Variants in QSER1 observed in about 807,000 individuals in gnomAD.
QSER1 encodes glutamine and serine-rich protein 1.
A neutral mutation model predicts 158.5 loss-of-function variants in QSER1; 49 were observed. The ratio of observed to expected loss-of-function variants is 0.31; its 90% confidence interval spans 0.25 to 0.39. The LOEUF is 0.39. Among genes scored for constraint, QSER1 ranks in the 10% least tolerant of loss-of-function variants. The pLI is 1.00. For synonymous variants in QSER1, 650 were observed against 715.5 expected (o/e 0.91, Z 1.46); for missense variants, 1,754 against 2,010.3 (o/e 0.87, Z 2.44).
chr11:32,898,015 T>A (rs1214749997), intron 1 of QSER1, among the ~76,000 whole-genome samples: 1 of 152,248 alleles, frequency 6.6e-6, no homozygotes, highest in Non-Finnish European at 1.5e-5. Flanking sequence ...CTTGGACAAC[T>A]GTGGTAGCTT....
Position 32,933,569 on chromosome 11 carries a change from C to T in QSER1, c.2311C>T (p.Leu771Phe), listed in dbSNP as rs1852088210. The T allele has an allele frequency of 6.2e-7, 1 of 1,613,866 alleles. No homozygotes were observed. The highest frequency in any genetic ancestry group is 1.7e-5 in the Admixed American group (1 of 59,968). ...EESVVGSVTQ[L>F]NQQIGQVNNA... Reference sequence around the variant, plus strand: ...AAGTGTTGTTGGTTCAGTGACACAACTTAACCAACAAATTGGCCAAGTCAA... The same window carrying T: ...AAGTGTTGTTGGTTCAGTGACACAATTTAACCAACAAATTGGCCAAGTCAA... Residue 771 changes from leucine (L) to phenylalanine (F), a missense_variant, in exon 4 of 13, where the codon CTT becomes TTT. Physicochemically the swap from Leu to Phe is conservative, Grantham distance 22. Transcript: ENST00000650167.
intron 8 of QSER1, among the ~76,000 whole-genome samples, chr11:32,960,282 C>T (rs1852598670): frequency 6.6e-6 from 1 of 152,012 alleles, no homozygotes. Flanking sequence ...TCAGGCTGGG[C>T]ATGGTGGCTC....
At chr11:32,927,919 T>TC (rs1466230283) in intron 2 of QSER1, 43 bp from the exon 3 acceptor site, 9 of 523,312 alleles carry the variant, frequency 1.7e-5, no homozygotes, top group Non-Finnish European at 2.6e-5. Flanking sequence ...ACAAGTAAAT[T>TC]TTTTTTTTTT....
At chr11:32,921,520 T>C (rs2133527060) in intron 1 of QSER1, among the ~76,000 whole-genome samples, 1 of 152,288 alleles carries the variant, frequency 6.6e-6, no homozygotes, top group South Asian at 2.1e-4. Flanking sequence ...CCAAATTTGT[T>C]TTTTTACAAA....
intron 4 of QSER1, among the ~76,000 whole-genome samples, chr11:32,938,063 G>A (rs1216358385): frequency 6.6e-6 from 1 of 152,170 alleles, no homozygotes; most frequent in Admixed American, 6.5e-5. Flanking sequence ...TAGAAAGTGA[G>A]TTCCTTCAAG....
Position 32,932,525 on chromosome 11 carries a change from A to G in QSER1, c.1267A>G (p.Thr423Ala). The G allele has an allele frequency of 6.2e-7, 1 of 1,614,082 alleles. No homozygotes were observed. Among genetic ancestry groups the G allele is most frequent in the African/African-American group, 1.3e-5 (1 of 75,010 alleles). The change falls in exon 4 of 13, where the codon ACC becomes GCC. Residue 423 changes from threonine to alanine, a missense_variant. Physicochemically the swap from Thr to Ala is moderately conservative, Grantham distance 58 (BLOSUM62 0). Transcript: ENST00000650167. The stretch of plus-strand genomic sequence containing the variant: ...AGAACAACCACTGACATCAACCAAG[A>G]CCCCTAAACCTCAAAGTATAATTCC... ...STEQPLTSTKTPKPQSIIPPV... is the reference protein window; with the variant it reads ...STEQPLTSTKAPKPQSIIPPV...
At chr11:32,943,862 T>G (rs1411408866) in intron 4 of QSER1, among the ~76,000 whole-genome samples, 2 of 152,118 alleles carry the variant, frequency 1.3e-5, no homozygotes, top group African/African-American at 4.8e-5. Flanking sequence ...ATCCATCTGG[T>G]CCTGGACTCT....
chr11:32,910,581 C>G (rs886502028), intron 1 of QSER1, among the ~76,000 whole-genome samples: 1 of 152,194 alleles, frequency 6.6e-6, no homozygotes. Flanking sequence ...ATGCCTTTCA[C>G]TCCTACCTTT....
intron 10 of QSER1, 74 bp downstream of exon 10, chr11:32,969,217 A>G (rs1852805606): frequency 1.1e-6 from 1 of 908,062 alleles, no homozygotes; most frequent in South Asian, 1.6e-5. Flanking sequence ...AAGGAAATTT[A>G]TGAAAATTAT....
intron 1 of QSER1, among the ~76,000 whole-genome samples, chr11:32,895,383 T>G (rs1851541848): frequency 6.6e-6 from 1 of 152,102 alleles, no homozygotes; most frequent in African/African-American, 2.4e-5. Flanking sequence ...GATCAGGCCA[T>G]CTGTACAGAG....
rs7940077 is a variant in QSER1 at position 32,934,698 on chromosome 11, A to G, written c.3440A>G (p.Asn1147Ser). 1 allele frequency: 1,606,220 copies of G among 1,613,914 alleles called. 799,553 individuals carry two copies. Among genetic ancestry groups the G allele is most frequent in the East Asian group, 1 (44,883 of 44,884 alleles). The part of the protein sequence containing the change: ...VSSSRSISGE[N>S]ATSESEFTLG... ...AGTAGTAGAAGTATAAGTGGAGAGA[A>G]TGCTACATCAGAGAGTGAATTTACC... Residue 1147 changes from asparagine (N) to serine (S), a missense_variant, in exon 4 of 13, where the codon AAT becomes AGT. Physicochemically the swap from Asn to Ser is conservative, Grantham distance 46 (BLOSUM62 1). Transcript: ENST00000650167.
In QSER1 at chr11:32,934,146, G is replaced by A; in HGVS notation, c.2888G>A (p.Cys963Tyr). 1 of 1,613,974 alleles carries A rather than the reference G, an allele frequency of 6.2e-7. No homozygotes were observed. The highest frequency in any genetic ancestry group is 1.7e-5 in the Admixed American group (1 of 59,994). Residue 963 changes from cysteine (C) to tyrosine (Y), a missense_variant, in exon 4 of 13, where the codon TGT (cysteine) becomes TAT (tyrosine). This residue lies in a region of QSER1 where 1,707 missense variants were observed against 1,919.6 expected (regional missense o/e 0.89). Transcript: ENST00000650167. ...KNQFVSLGSMCFPEAVLLSDE... is the reference protein window; with the variant it reads ...KNQFVSLGSMYFPEAVLLSDE... Reference sequence around the variant, plus strand: ...CAGTTTGTTTCTCTTGGATCGATGTGTTTCCCAGAGGCAGTGCTTCTTAGT... The same window carrying A: ...CAGTTTGTTTCTCTTGGATCGATGTATTTCCCAGAGGCAGTGCTTCTTAGT...
intron 1 of QSER1, among the ~76,000 whole-genome samples, chr11:32,909,802 T>C (rs895415025): frequency 1.3e-5 from 2 of 152,184 alleles, no homozygotes; most frequent in Admixed American, 6.5e-5. Flanking sequence ...TTGGAGCTAC[T>C]TGGGAGTCGT....
intron 12 of QSER1, 165 bp downstream of exon 12, chr11:32,975,508 C>A (rs1283935176): frequency 1.4e-6 from 2 of 1,478,672 alleles, no homozygotes; most frequent in South Asian, 2.4e-5. Context: ...CTGAGTCTCT[C>A]TGCTATGTTT....
chr11:32,976,610 G>A lies in QSER1; in HGVS notation c.*136G>A. On this transcript the variant is annotated 3_prime_UTR_variant, in exon 13 of 13. Coordinates refer to ENST00000650167, the MANE Select transcript of QSER1 (RefSeq NM_001076786.3). ...TCATGGAACTGTCATTACCACCTCT[G>A]CTGAAGGACAGTGGTGCGGCCTTTA... 1.1e-6 allele frequency: 1 copy of A among 936,450 alleles called. No individual in the cohort carries two copies. 58.0% of individuals were successfully genotyped at this position (936,450 alleles called of 1,614,324 possible).
At chr11:32,970,178 C>T (rs1035281980) in intron 10 of QSER1, among the ~76,000 whole-genome samples, 4 of 152,114 alleles carry the variant, frequency 2.6e-5, no homozygotes, top group African/African-American at 7.2e-5. Flanking sequence ...ATAACTTGTT[C>T]ACATCCCTGT....
At chr11:32,905,784 T>A (rs967632203) in intron 1 of QSER1, among the ~76,000 whole-genome samples, 10 of 152,178 alleles carry the variant, frequency 6.6e-5, no homozygotes, top group African/African-American at 2.4e-4. Flanking sequence ...TTAATCTTGA[T>A]CTACTGGGCT....
intron 1 of QSER1, among the ~76,000 whole-genome samples, chr11:32,905,578 T>G (rs1851681925): frequency 6.6e-6 from 1 of 152,232 alleles, no homozygotes; most frequent in African/African-American, 2.4e-5. Context: ...AACCCAAAAC[T>G]TAGAGATGGT....
intron 4 of QSER1, among the ~76,000 whole-genome samples, chr11:32,938,446 A>G (rs914263569): frequency 6.6e-6 from 1 of 152,234 alleles, no homozygotes; most frequent in African/African-American, 2.4e-5. Context: ...TGACTTTTGC[A>G]CATAGGTTGC....
Sources: allele counts gnomAD v4.1 joint callset (sites outside exome capture counted in the v4.1 genomes callset), GRCh38; gene constraint gnomAD v4.1.1; regional missense constraint gnomAD v4.1.1; transcripts MANE v1.5; gene names NCBI Gene and HGNC (gene_info 2026-07-23, HGNC 2026-07-21).